The following RPS6KC1 variants were observed in gnomAD, a reference collection of about 807,000 sequenced individuals.
RPS6KC1 encodes ribosomal protein S6 kinase C1, also known as inactive ribosomal protein S6 kinase delta-1.
In RPS6KC1, 54 loss-of-function variants were observed where a neutral mutation model predicts 103.8. That is an observed-to-expected ratio of 0.52 (90% CI 0.42 to 0.65). RPS6KC1 has a LOEUF of 0.65. RPS6KC1 is among the 30% of genes least tolerant of loss of function. The probability of loss-of-function intolerance (pLI) is 0.00; values close to 1 mark genes in which losing one functional copy is unlikely to be tolerated. For missense variants in RPS6KC1, 1,151 were observed against 1,253.8 expected (o/e 0.92, Z 1.24); for synonymous variants, 439 against 438.7 (o/e 1.00, Z -0.01).
At chr1:213,236,103 G>A (rs190412502) in intron 10 of RPS6KC1, among the ~76,000 whole-genome samples, 2 of 152,230 alleles carry the variant, frequency 1.3e-5, no homozygotes, top group African/African-American at 4.8e-5. Context: ...ACATGCGAGG[G>A]ATCTAGGTTG....
the RPS6KC1 span, among the ~76,000 whole-genome samples, chr1:213,445,397 A>G: frequency 1.3e-5 from 2 of 152,188 alleles, no homozygotes; most frequent in African/African-American, 2.4e-5. Flanking sequence ...AAGAACCAGA[A>G]TCCTCATCAA....
the RPS6KC1 span, among the ~76,000 whole-genome samples, chr1:213,401,197 A>G: frequency 6.6e-6 from 1 of 152,154 alleles, no homozygotes; most frequent in African/African-American, 2.4e-5. Context: ...AGCATCCACT[A>G]CACAGAAGGC....
chr1:213,823,160 C>T, the RPS6KC1 span, among the ~76,000 whole-genome samples: 4 of 152,260 alleles, frequency 2.6e-5, no homozygotes, highest in South Asian at 4.1e-4. Context: ...CAAGGATGTT[C>T]GGTATCACCT....
chr1:213,375,991 A>G, the RPS6KC1 span, among the ~76,000 whole-genome samples: 1 of 151,970 alleles, frequency 6.6e-6, no homozygotes, highest in African/African-American at 2.4e-5. Context: ...GGAAGGAGAG[A>G]ATTGTCCTGG....
chr1:213,243,549 G>C (rs367685096), intron 12 of RPS6KC1, among the ~76,000 whole-genome samples: 7 of 152,294 alleles, frequency 4.6e-5, no homozygotes, highest in East Asian at 3.9e-4. Flanking sequence ...AAAAATTAGA[G>C]ATTTATTCTG....
the RPS6KC1 span, among the ~76,000 whole-genome samples, chr1:213,404,344 G>A: frequency 3.9e-5 from 6 of 152,220 alleles, no homozygotes; most frequent in African/African-American, 1.4e-4. Flanking sequence ...GCCAGGTAGA[G>A]GGGACCTAGC....
the RPS6KC1 span, among the ~76,000 whole-genome samples, chr1:213,636,688 T>G: frequency 5.3e-5 from 8 of 152,002 alleles, no homozygotes; most frequent in Non-Finnish European, 1.0e-4. Flanking sequence ...GCAATACCAC[T>G]CAGGACATAG....
At chr1:213,119,139 G>A (rs2084052271) in intron 5 of RPS6KC1, among the ~76,000 whole-genome samples, 1 of 151,812 alleles carries the variant, frequency 6.6e-6, no homozygotes, top group Admixed American at 6.6e-5. Flanking sequence ...GAACAAGTAG[G>A]AGAGTTAGAA....
At chr1:213,636,645 C>A in the RPS6KC1 span, among the ~76,000 whole-genome samples, 1 of 152,110 alleles carries the variant, frequency 6.6e-6, no homozygotes, top group Admixed American at 6.6e-5. Flanking sequence ...AATGTTAGAC[C>A]TAAAACCATA....
the RPS6KC1 span, among the ~76,000 whole-genome samples, chr1:213,573,390 A>G: frequency 6.6e-6 from 1 of 152,338 alleles, no homozygotes; most frequent in South Asian, 2.1e-4. Context: ...CCAAGATTGT[A>G]TGGAAAAAGA....
the RPS6KC1 span, among the ~76,000 whole-genome samples, chr1:213,763,210 TG>T: frequency 6.6e-6 from 1 of 152,184 alleles, no homozygotes; most frequent in African/African-American, 2.4e-5. Flanking sequence ...AAGCTGCCTC[TG>T]GGAGTTCTTT....
chr1:213,339,854 T>C, the RPS6KC1 span, among the ~76,000 whole-genome samples: 3 of 152,034 alleles, frequency 2.0e-5, no homozygotes, highest in African/African-American at 4.8e-5. Flanking sequence ...CTGAGTTAGA[T>C]GAAGAAAGTT....
the RPS6KC1 span, among the ~76,000 whole-genome samples, chr1:213,444,003 A>T: frequency 5.3e-5 from 8 of 152,286 alleles, no homozygotes; most frequent in African/African-American, 1.7e-4. Context: ...ATTGTCTTTC[A>T]GTTCTGGATG....
chr1:213,554,785 C>T, the RPS6KC1 span, among the ~76,000 whole-genome samples: 3 of 152,174 alleles, frequency 2.0e-5, no homozygotes, highest in Non-Finnish European at 2.9e-5. Context: ...TCATTCAGTG[C>T]TTCCTTTGCT....
At chr1:213,440,981 G>GA in the RPS6KC1 span, among the ~76,000 whole-genome samples, 9 of 152,104 alleles carry the variant, frequency 5.9e-5, no homozygotes, top group African/African-American at 2.2e-4. Context: ...GAGGAACTTT[G>GA]AAAAAACACT....
the RPS6KC1 span, among the ~76,000 whole-genome samples, chr1:213,568,409 G>A: frequency 6.6e-6 from 1 of 152,206 alleles, no homozygotes; most frequent in Non-Finnish European, 1.5e-5. Context: ...GGGGCTTAAT[G>A]GTGAGAAGAG....
the RPS6KC1 span, among the ~76,000 whole-genome samples, chr1:213,472,829 G>T: frequency 6.6e-6 from 1 of 152,210 alleles, no homozygotes; most frequent in Non-Finnish European, 1.5e-5. Context: ...CCATGCCAAA[G>T]AAATCTAAGT....
chr1:213,676,149 C>A, the RPS6KC1 span, among the ~76,000 whole-genome samples: 1 of 152,174 alleles, frequency 6.6e-6, no homozygotes, highest in East Asian at 1.9e-4. Flanking sequence ...CTTGCTGTAA[C>A]AAATTTCTTC....
chr1:213,790,580 G>A, the RPS6KC1 span, among the ~76,000 whole-genome samples: 4 of 152,126 alleles, frequency 2.6e-5, no homozygotes, highest in African/African-American at 7.2e-5. Flanking sequence ...TTTTGAGAGG[G>A]AGAGGCATTG....
Sources: gnomAD v4.1 joint callset for allele counts (sites outside exome capture counted in the v4.1 genomes callset) on GRCh38, gnomAD v4.1.1 for gene constraint, MANE v1.5 for transcripts, NCBI Gene and HGNC (gene_info 2026-07-23, HGNC 2026-07-21) for gene names.